The following MAGI1 variants were observed in gnomAD, a reference collection of about 807,000 sequenced individuals.
The protein encoded by MAGI1 is membrane-associated guanylate kinase, WW and PDZ domain-containing protein 1.
MAGI1 carries 58 observed loss-of-function variants against 139.9 expected under a neutral mutation model. That is an observed-to-expected ratio of 0.41 (90% CI 0.34 to 0.52). The LOEUF is 0.52. Ranked by LOEUF, MAGI1 falls within the 20% of genes least tolerant of loss-of-function variation. The pLI is 0.12. For synonymous variants in MAGI1, 812 were observed against 737.9 expected, an observed-to-expected ratio of 1.10 and a Z score of -1.63; for missense variants, 1,874 against 1,901.6, an observed-to-expected ratio of 0.99 and a Z score of 0.27.
intron 2 of MAGI1, among the ~76,000 whole-genome samples, chr3:65,579,852 A>AC (rs1304619218): frequency 6.6e-6 from 1 of 151,872 alleles, no homozygotes; most frequent in African/African-American, 2.4e-5. Flanking sequence ...CATCTCAAAA[A>AC]AAAAAAAAAA....
chr3:65,406,059 T>C (rs1297614002), intron 12 of MAGI1, among the ~76,000 whole-genome samples: 1 of 152,068 alleles, frequency 6.6e-6, no homozygotes, highest in East Asian at 1.9e-4. Flanking sequence ...TGCAGCATAT[T>C]TCAGAACATT....
rs1491344345 is a variant in MAGI1 at position 65,530,756 on chromosome 3, CGT to C, written c.431-37127_431-37126del. 1.8e-3 allele frequency among the ~76,000 whole-genome samples: 53 copies of C among 29,598 alleles called. 5 individuals are homozygous for C. Among genetic ancestry groups the C allele is most frequent in the African/African-American group, 5.2e-3 (35 of 6,778 alleles). 19.4% of individuals were successfully genotyped at this position (29,598 alleles called of 152,430 possible). On this transcript the variant is annotated intron_variant, in intron 2 of 22. Transcript: ENST00000402939. ...ATATATATATGCACATATATATACA[CGT>C]ATATATATATATATACACACATATA...
At chr3:65,433,449 G>C (rs898062328) in intron 10 of MAGI1, among the ~76,000 whole-genome samples, 1 of 152,164 alleles carries the variant, frequency 6.6e-6, no homozygotes, top group African/African-American at 2.4e-5. Flanking sequence ...GAAAATCAGA[G>C]GGTTTCACAT....
intron 1 of MAGI1, among the ~76,000 whole-genome samples, chr3:65,900,205 T>C (rs942969305): frequency 6.6e-6 from 1 of 152,188 alleles, no homozygotes; most frequent in African/African-American, 2.4e-5. Flanking sequence ...CGCAACATCG[T>C]GTCTTTCCTA....
rs1940126550 is a variant in MAGI1 at position 65,354,741 on chromosome 3, G to A, written c.*1637C>T. 2.0e-5 allele frequency: 3 copies of A among 152,312 alleles called. No individual in the cohort carries two copies. The highest frequency in any genetic ancestry group is 7.3e-5 in the African/African-American group (3 of 41,344). The allele number at this position is 152,312 out of a possible 1,614,324, so 9.4% of individuals were successfully genotyped here. ...GTTCCATATTCAGAAATATAAACAC[G>A]TATCACATTCCTCACAGCTAAATTT... On this transcript the variant is annotated 3_prime_UTR_variant, in exon 23 of 23. Transcript: ENST00000402939.
chr3:65,738,188 C>G (rs987093356), intron 1 of MAGI1, among the ~76,000 whole-genome samples: 1 of 152,172 alleles, frequency 6.6e-6, no homozygotes, highest in East Asian at 1.9e-4. Flanking sequence ...TTCCTGATGA[C>G]CGCCATAAAG....
intron 1 of MAGI1, among the ~76,000 whole-genome samples, chr3:65,684,250 A>G (rs1398482303): frequency 6.6e-6 from 1 of 151,986 alleles, no homozygotes; most frequent in East Asian, 1.9e-4. Context: ...ATCCCAGAAA[A>G]AGGAAAATTT....
intron 1 of MAGI1, among the ~76,000 whole-genome samples, chr3:65,982,986 C>G (rs1427882021): frequency 1.3e-5 from 2 of 152,170 alleles, no homozygotes; most frequent in African/African-American, 4.8e-5. Context: ...GTGGCACAAT[C>G]ATAGCTCACT....
At chr3:65,982,555 A>G (rs572363265) in intron 1 of MAGI1, among the ~76,000 whole-genome samples, 2 of 152,336 alleles carry the variant, frequency 1.3e-5, no homozygotes, top group African/African-American at 4.8e-5. Flanking sequence ...TCAATACCTA[A>G]TAAATCAATG....
At position 66,024,411 on chromosome 3, in the gene MAGI1, C is replaced by A. The variant is rs773979060; in HGVS notation, c.313+13585G>T. Among the ~76,000 whole-genome samples the A allele has an allele frequency of 1.3e-3, 195 of 151,242 alleles. 6 individuals carry two copies. Among genetic ancestry groups the A allele is most frequent in the Non-Finnish European group, 3.2e-4 (22 of 67,928 alleles). On this transcript the variant is annotated intron_variant, in intron 1 of 22. Transcript: ENST00000402939. ...ACACCGGGCCAATGTTCCTACATGG[C>A]AGCAAGAGGCCAAAGCAGAATGGCA...
At chr3:65,951,872 T>C (rs570072637) in intron 1 of MAGI1, among the ~76,000 whole-genome samples, 1 of 152,354 alleles carries the variant, frequency 6.6e-6, no homozygotes, top group Non-Finnish European at 1.5e-5. Flanking sequence ...TGAACTGTAG[T>C]GAGCAAAATA....
chr3:65,695,260 G>A (rs927919489), intron 1 of MAGI1, among the ~76,000 whole-genome samples: 3 of 152,174 alleles, frequency 2.0e-5, no homozygotes, highest in African/African-American at 4.8e-5. Flanking sequence ...TTTTAGGTGG[G>A]AGACTGTTGG....
intron 1 of MAGI1, among the ~76,000 whole-genome samples, chr3:65,888,849 G>T (rs2060629981): frequency 6.6e-6 from 1 of 152,082 alleles, no homozygotes; most frequent in African/African-American, 2.4e-5. Flanking sequence ...ATTCCAAGGG[G>T]TTTGGGATTC....
At chr3:65,527,001 G>C (rs2078415823) in intron 2 of MAGI1, among the ~76,000 whole-genome samples, 1 of 152,140 alleles carries the variant, frequency 6.6e-6, no homozygotes, top group African/African-American at 2.4e-5. Context: ...AAGAAAGCAG[G>C]CTTTAAAAAA....
At chr3:65,433,434 G>A (rs1339118946) in intron 10 of MAGI1, among the ~76,000 whole-genome samples, 1 of 152,082 alleles carries the variant, frequency 6.6e-6, no homozygotes, top group African/African-American at 2.4e-5. Context: ...GTTTAACAAG[G>A]GAAGGAAAAT....
At chr3:65,893,101 G>A (rs1371338281) in intron 1 of MAGI1, among the ~76,000 whole-genome samples, 2 of 152,118 alleles carry the variant, frequency 1.3e-5, no homozygotes, top group Non-Finnish European at 2.9e-5. Context: ...TATCTAAGAA[G>A]GCTACACTGG....
chr3:65,836,081 C>T (rs193259038), intron 1 of MAGI1, among the ~76,000 whole-genome samples: 2 of 152,284 alleles, frequency 1.3e-5, no homozygotes, highest in East Asian at 3.9e-4. Flanking sequence ...TCCCAAGGGG[C>T]ACACTGCTGT....
chr3:65,467,544 T>C (rs1424406277), intron 5 of MAGI1, among the ~76,000 whole-genome samples: 1 of 152,232 alleles, frequency 6.6e-6, no homozygotes, highest in African/African-American at 2.4e-5. Context: ...GTATAAGTTT[T>C]CTACTAAACC....
intron 1 of MAGI1, among the ~76,000 whole-genome samples, chr3:65,645,371 T>G (rs1410891221): frequency 6.6e-6 from 1 of 152,010 alleles, no homozygotes; most frequent in Non-Finnish European, 1.5e-5. Flanking sequence ...CATGGAAACC[T>G]AATAGAAAAG....
Sources: gnomAD v4.1 joint callset for allele counts (sites outside exome capture counted in the v4.1 genomes callset) on GRCh38, gnomAD v4.1.1 for gene constraint, MANE v1.5 for transcripts, NCBI Gene and HGNC (gene_info 2026-07-23, HGNC 2026-07-21) for gene names.